VPS13B: variants seen among roughly 807,000 people sequenced by gnomAD.
VPS13B encodes vacuolar protein sorting 13 homolog B.
VPS13B carries 285 observed loss-of-function variants against 426.4 expected under a neutral mutation model. The ratio of observed to expected loss-of-function variants is 0.67; its 90% CI spans 0.61 to 0.74. VPS13B has a LOEUF of 0.74. Ranked by LOEUF, VPS13B falls within the 30% of genes least tolerant of loss-of-function variation. VPS13B has a pLI of 0.00. For missense variants in VPS13B, 4,537 were observed against 4,782.6 expected, an observed-to-expected ratio of 0.95 and a Z score of 1.51; for synonymous variants, 1,676 against 1,676.4, an observed-to-expected ratio of 1.00 and a Z score of 0.01.
At chr8:99,523,856 A>G (rs1057478459) in intron 30 of VPS13B, among the ~76,000 whole-genome samples, 1 of 152,168 alleles carries the variant, frequency 6.6e-6, no homozygotes, top group African/African-American at 2.4e-5. Context: ...TAAGCATCAA[A>G]ACCATTGAGG....
chr8:99,790,879 T>C (rs555005001), intron 43 of VPS13B, among the ~76,000 whole-genome samples: 2 of 152,164 alleles, frequency 1.3e-5, no homozygotes, highest in East Asian at 1.9e-4. Context: ...TTGGCTACAG[T>C]GTAGAGTACA....
intron 39 of VPS13B, among the ~76,000 whole-genome samples, chr8:99,746,585 A>G (rs1442365786): frequency 2.0e-5 from 3 of 152,168 alleles, no homozygotes; most frequent in African/African-American, 4.8e-5. Context: ...TGCGCATTCC[A>G]TACATCATAG....
intron 19 of VPS13B, among the ~76,000 whole-genome samples, chr8:99,278,182 A>G (rs1272525953): frequency 1.3e-5 from 2 of 152,192 alleles, no homozygotes; most frequent in Non-Finnish European, 2.9e-5. Flanking sequence ...TGTGGAAGAC[A>G]GCTGCCCTTG....
intron 3 of VPS13B, among the ~76,000 whole-genome samples, chr8:99,050,819 G>A (rs1283511791): frequency 6.6e-6 from 1 of 152,198 alleles, no homozygotes; most frequent in Non-Finnish European, 1.5e-5. Flanking sequence ...TCTTTTGGCT[G>A]CATTAATGTC....
At chr8:99,774,435 A>G (rs375324195) in intron 40 of VPS13B, among the ~76,000 whole-genome samples, 105 of 152,334 alleles carry the variant, frequency 6.9e-4, no homozygotes, top group African/African-American at 2.4e-3. Context: ...TCAATTTGTT[A>G]TAAGTAAAGA....
chr8:99,721,796 A>G (rs954411723), intron 39 of VPS13B, among the ~76,000 whole-genome samples: 1 of 152,120 alleles, frequency 6.6e-6, no homozygotes, highest in African/African-American at 2.4e-5. Flanking sequence ...CCTACAAAAT[A>G]TGTCCCTATT....
At chr8:99,223,072 C>T (rs552299843) in intron 17 of VPS13B, among the ~76,000 whole-genome samples, 6 of 152,116 alleles carry the variant, frequency 3.9e-5, no homozygotes, top group Non-Finnish European at 8.8e-5. Context: ...AAGTGATCCG[C>T]CTGTCTTGGC....
chr8:99,778,819 T>G lies in VPS13B; in HGVS notation c.7567T>G (p.Phe2523Val). The G allele has an allele frequency of 3.7e-6, 6 of 1,614,008 alleles. No homozygotes were observed. Among genetic ancestry groups the G allele is most frequent in the Non-Finnish European group, 5.1e-6 (6 of 1,179,924 alleles). ...TGGTTCTGTCTGTCAGGAGATCCAG[T>G]TCTTAGCTCAAGCAGACTGTAAACT... is the stretch of plus-strand genomic sequence containing the variant. ...NNGSVCQEIQ[F>V]LAQADCKLLE... The change falls in exon 42 of 62, where the codon TTC becomes GTC. Residue 2523 changes from phenylalanine (F) to valine (V), a missense_variant. Around this residue, in one of 2 missense-constraint regions of VPS13B, gnomAD observed 4,311 missense variants for 4,474.3 expected, o/e 0.96. Transcript: ENST00000357162.
At chr8:99,737,758 G>A (rs1275232520) in intron 39 of VPS13B, among the ~76,000 whole-genome samples, 1 of 152,188 alleles carries the variant, frequency 6.6e-6, no homozygotes, top group Non-Finnish European at 1.5e-5. Context: ...CAGCCACATA[G>A]TGGTGAATCA....
At chr8:99,544,692 A>AAACAACAAC (rs113708807) in intron 30 of VPS13B, among the ~76,000 whole-genome samples, 13 of 151,606 alleles carry the variant, frequency 8.6e-5, no homozygotes, top group African/African-American at 2.2e-4. Flanking sequence ...ATGTGCTGCA[A>AAACAACAAC]AACAACAACA....
At chr8:99,696,517 A>G (rs1832010141) in intron 35 of VPS13B, 1 of 446,816 alleles carries the variant, frequency 2.2e-6, no homozygotes, top group African/African-American at 2.0e-5. Context: ...GTGGTTGTCC[A>G]GTTCATGGAA....
At chr8:99,832,801 G>A in intron 52 of VPS13B, 149 bp downstream of exon 52, 1 of 824,352 alleles carries the variant, frequency 1.2e-6, no homozygotes, top group South Asian at 1.8e-5. Flanking sequence ...GTATACAGTG[G>A]GTCAAGTGTT....
At chr8:99,043,490 G>A (rs2132237003) in intron 3 of VPS13B, among the ~76,000 whole-genome samples, 1 of 152,222 alleles carries the variant, frequency 6.6e-6, no homozygotes, top group South Asian at 2.1e-4. Context: ...TTGCTTGAAT[G>A]TTATAATAAA....
At chr8:99,606,528 GA>G (rs1827589677) in intron 33 of VPS13B, among the ~76,000 whole-genome samples, 1 of 144,306 alleles carries the variant, frequency 6.9e-6, no homozygotes, top group Admixed American at 6.9e-5. Flanking sequence ...AAAAGAAAAA[GA>G]AAAAGAAAAA....
At chr8:99,690,504 A>G (rs926011420) in intron 35 of VPS13B, among the ~76,000 whole-genome samples, 1 of 152,224 alleles carries the variant, frequency 6.6e-6, no homozygotes, top group Admixed American at 6.5e-5. Flanking sequence ...AATCCACAGA[A>G]TGGGAGAAAA....
chr8:99,051,738 T>A (rs1235168198), intron 3 of VPS13B, among the ~76,000 whole-genome samples: 4 of 152,210 alleles, frequency 2.6e-5, no homozygotes, highest in Non-Finnish European at 5.9e-5. Flanking sequence ...CTTGAAGAGG[T>A]CCTTCACATC....
intron 54 of VPS13B, among the ~76,000 whole-genome samples, chr8:99,843,877 T>C (rs1003588762): frequency 6.6e-6 from 1 of 152,328 alleles, no homozygotes; most frequent in Admixed American, 6.5e-5. Context: ...CTCAACTCAG[T>C]AGACTTCTTA....
rs397692761 is a variant in VPS13B, at chr8:99,289,065, A to ATG, written c.2824+13811_2824+13812insTG. On this transcript the variant is annotated intron_variant, in intron 19 of 61. Coordinates refer to ENST00000357162, the MANE Select transcript of VPS13B (RefSeq NM_152564.5). ...AATGAATGAATGAATGAATGAATGA[A>ATG]AGAAGGAAGGAAGGAAGGAAAGAAA... is the stretch of plus-strand genomic sequence containing the variant. 2.2e-3 allele frequency among the ~76,000 whole-genome samples: 330 copies of ATG among 151,974 alleles called. 3 individuals carry two copies. Among genetic ancestry groups the ATG allele is most frequent in the South Asian group, 0.013 (62 of 4,808 alleles).
In VPS13B at chr8:99,778,960, G is replaced by A. The variant is rs140179844; in HGVS notation, c.7708G>A (p.Asp2570Asn). The change falls in exon 42 of 62, where the codon GAT (aspartate) becomes AAT (asparagine). Residue 2570 changes from aspartate (D) to asparagine (N), a missense_variant. Asp to Asn is a conservative substitution (Grantham distance 23). Around this residue, in one of 2 missense-constraint regions of VPS13B, gnomAD observed 4,311 missense variants for 4,474.3 expected, o/e 0.96. Coordinates refer to ENST00000357162, the MANE Select transcript of VPS13B (RefSeq NM_152564.5). ...GCTGCTTGACTGCACCGTGATAGTT[G>A]ATTCTGTATTTGTAAACCTTGGACA... Reference protein sequence around the residue: ...EKLLDCTVIVDSVFVNLGQHV... With the variant: ...EKLLDCTVIVNSVFVNLGQHV... 357 of 1,613,910 alleles carry A rather than the reference G, an allele frequency of 2.2e-4. 2 individuals carry two copies. The African/African-American group carries it at 3.9e-3, about 18-fold the overall frequency.
Sources: gnomAD v4.1 joint callset for allele counts (sites outside exome capture counted in the v4.1 genomes callset) on GRCh38, gnomAD v4.1.1 for gene constraint, gnomAD v4.1.1 regional missense constraint, MANE v1.5 for transcripts, NCBI Gene and HGNC (gene_info 2026-07-23, HGNC 2026-07-21) for gene names.